Variants in ALPK3 observed in about 807,000 individuals in gnomAD.
ALPK3 encodes the protein alpha kinase 3.
In ALPK3, 102 loss-of-function variants were observed where a neutral mutation model predicts 140.0. That is an observed-to-expected ratio of 0.73 (90% CI 0.62 to 0.86). ALPK3 has a LOEUF of 0.86. ALPK3 is among the 40% of genes least tolerant of loss of function. The probability of loss-of-function intolerance (pLI) is 0.00; values close to 1 mark genes in which losing one functional copy is unlikely to be tolerated. For synonymous variants in ALPK3, 938 were observed against 898.5 expected (o/e 1.04, Z -0.79); for missense variants, 2,254 against 2,208.2 (o/e 1.02, Z -0.42).
In ALPK3 at chr15:84,859,583, G is replaced by A. The variant is rs146887183; in HGVS notation, c.3965+193G>A. 3.1e-4 allele frequency among the ~76,000 whole-genome samples: 47 copies of A among 152,334 alleles called. 1 individual carries two copies. The South Asian group carries it at 7.0e-3, about 23-fold the overall frequency. The stretch of plus-strand genomic sequence containing the variant: ...TAAGCCACTTGTCCAAAGCCACACA[G>A]CTAGTAATTGTCAGGACTGCAAACC... On this transcript the variant is annotated intron_variant, in intron 7 of 13. Coordinates refer to ENST00000258888, the MANE Select transcript of ALPK3 (RefSeq NM_020778.5).
intron 5 of ALPK3, among the ~76,000 whole-genome samples, chr15:84,849,873 CA>C (rs1028237467): frequency 6.6e-6 from 1 of 150,632 alleles, no homozygotes; most frequent in Non-Finnish European, 1.5e-5. Context: ...AAAATAAATC[CA>C]AAGCAAACAG....
intron 5 of ALPK3, among the ~76,000 whole-genome samples, chr15:84,851,231 G>C (rs972052616): frequency 1.3e-5 from 2 of 152,148 alleles, no homozygotes; most frequent in African/African-American, 4.8e-5. Flanking sequence ...GAGTCCTTCA[G>C]GTGGTCAAGG....
chr15:84,867,246 T>C, intron 12 of ALPK3, 71 bp from the exon 13 acceptor site: 2 of 1,516,950 alleles, frequency 1.3e-6, no homozygotes, highest in South Asian at 2.3e-5. Flanking sequence ...CCAGTATATC[T>C]TCCTGCTGGA....
At chr15:84,823,259 G>A in intron 1 of ALPK3, 71 bp from the exon 2 acceptor site, 1 of 1,554,348 alleles carries the variant, frequency 6.4e-7, no homozygotes, top group Non-Finnish European at 8.9e-7. Context: ...TTAATAGTTT[G>A]CGACTGTTGA....
At chr15:84,822,817 C>A (rs1963442140) in intron 1 of ALPK3, among the ~76,000 whole-genome samples, 1 of 152,248 alleles carries the variant, frequency 6.6e-6, no homozygotes, top group South Asian at 2.1e-4. Context: ...ACTCTCCCAG[C>A]TGGTTTGCCT....
Position 84,868,323 on chromosome 15 carries a change from C to T in ALPK3, c.4985C>T (p.Pro1662Leu), listed in dbSNP as rs758355902. ...LSPQPQKKGLPSPQGTRKSAP... is the reference protein window; with the variant it reads ...LSPQPQKKGLLSPQGTRKSAP... ...CCTCAGCCCCAGAAGAAAGGCCTCC[C>T]TAGTCCTCAGGGCACCCGGAAGAGT... Residue 1662 changes from proline (P) to leucine (L), a missense_variant, in exon 14 of 14, where the codon CCT becomes CTT. Physicochemically the swap from Pro to Leu is moderately conservative, Grantham distance 98. Transcript: ENST00000258888. 1.9e-6 allele frequency: 3 copies of T among 1,614,136 alleles called. No individual in the cohort carries two copies. The highest frequency in any genetic ancestry group is 2.5e-6 in the Non-Finnish European group (3 of 1,179,986).
At position 84,857,541 on chromosome 15, in the gene ALPK3, G is replaced by T. The variant is rs1192258761; in HGVS notation, c.2803G>T (p.Ala935Ser). The T allele has an allele frequency of 1.3e-6, 2 of 1,587,688 alleles. No individual in the cohort carries two copies. The highest frequency in any genetic ancestry group is 4.5e-5 in the East Asian group (2 of 44,626). The change falls in exon 6 of 14, where the codon GCC becomes TCC. Residue 935 changes from alanine (A) to serine (S), a missense_variant. Coordinates refer to ENST00000258888, the MANE Select transcript of ALPK3 (RefSeq NM_020778.5). ...PETMATSSEG[A>S]CAQVPDVEGR... ...AACCATGGCCACCAGCAGTGAGGGG[G>T]CCTGCGCCCAGGTACCAGATGTGGA...
chr15:84,858,583 C>G, intron 6 of ALPK3, 28 bp downstream of exon 6: 1 of 1,550,168 alleles, frequency 6.5e-7, no homozygotes, highest in South Asian at 1.2e-5. Context: ...AGAGGGATGG[C>G]TTCACAGGAC....
chr15:84,868,423 A>G lies in ALPK3; in HGVS notation c.5085A>G (p.Gln1695=). The change falls in exon 14 of 14, where the codon CAA becomes CAG. Residue 1695 remains glutamine (Q), a synonymous_variant. Transcript: ENST00000258888. ...AGTTGTTGGGACAGCCTCCCACCCA[A>G]GAGGAGGGCTCCAAGGCCCAGGGCA... is the stretch of plus-strand genomic sequence containing the variant. The part of the protein sequence containing the change: ...TTQLLGQPPT[Q]EEGSKAQGMR 1 of 1,611,404 alleles carries G rather than the reference A, an allele frequency of 6.2e-7. No individual in the cohort carries two copies. Among genetic ancestry groups the G allele is most frequent in the Non-Finnish European group, 8.5e-7 (1 of 1,179,974 alleles).
At chr15:84,836,074 G>GGA (rs1488489827) in intron 3 of ALPK3, among the ~76,000 whole-genome samples, 1 of 152,240 alleles carries the variant, frequency 6.6e-6, no homozygotes, top group Non-Finnish European at 1.5e-5. Context: ...CAAGTGCCTG[G>GGA]GAGACAGCAT....
At chr15:84,858,597 G>A in intron 6 of ALPK3, 42 bp downstream of exon 6, 10 of 1,524,446 alleles carry the variant, frequency 6.6e-6, no homozygotes, top group Non-Finnish European at 8.7e-6. Context: ...ACAGGACAGG[G>A]CCACAGAAAG....
Position 84,865,650 on chromosome 15 carries a change from G to T in ALPK3, c.4723+985G>T, listed in dbSNP as rs912994806. Among the ~76,000 whole-genome samples, 39 of 152,188 alleles carry T rather than the reference G, an allele frequency of 2.6e-4. 1 individual carries two copies. Among genetic ancestry groups the T allele is most frequent in the Non-Finnish European group, 3.2e-4 (22 of 68,032 alleles). On this transcript the variant is annotated intron_variant, in intron 12 of 13. Coordinates refer to ENST00000258888, the MANE Select transcript of ALPK3 (RefSeq NM_020778.5). ...CCAGTTTCTACTGTGAGACGATAAC[G>T]TGGCATAGTAGAAAGGCTTTAAAGT...
chr15:84,825,377 A>G (rs918597677), intron 2 of ALPK3, among the ~76,000 whole-genome samples: 1 of 151,976 alleles, frequency 6.6e-6, no homozygotes, highest in Non-Finnish European at 1.5e-5. Context: ...GGGTTTCACC[A>G]CATTGGCCAG....
chr15:84,856,935 G>A lies in ALPK3; in HGVS notation c.2197G>A (p.Gly733Ser), dbSNP rs34443853. The A allele has an allele frequency of 6.8e-6, 11 of 1,613,948 alleles. No homozygotes were observed. The highest frequency in any genetic ancestry group is 8.5e-6 in the Non-Finnish European group (10 of 1,179,952). The change falls in exon 6 of 14, where the codon GGC becomes AGC. Residue 733 changes from glycine to serine, a missense_variant. This residue lies in a region of ALPK3 where 2,088 missense variants were observed against 2,022.9 expected (regional missense o/e 1.03). Transcript: ENST00000258888. ...TGAGCAAGAGGTGGCAACCAGCCTC[G>A]GCCCACCATCCAGAACCCCCAAACT... Reference protein sequence around the residue: ...QSEQEVATSLGPPSRTPKLPP... With the variant: ...QSEQEVATSLSPPSRTPKLPP...
intron 3 of ALPK3, among the ~76,000 whole-genome samples, chr15:84,838,658 C>T (rs1200438840): frequency 6.8e-6 from 1 of 146,082 alleles, no homozygotes; most frequent in East Asian, 2.0e-4. Context: ...GTCTCACTAT[C>T]GCCTAGGCTA....
At chr15:84,820,200 C>T (rs1158194933) in intron 1 of ALPK3, among the ~76,000 whole-genome samples, 11 of 152,110 alleles carry the variant, frequency 7.2e-5, no homozygotes, top group Admixed American at 7.2e-4. Context: ...TTCCAGAAAC[C>T]CCTGCCCCCT....
At chr15:84,838,600 C>CGTT in intron 3 of ALPK3, among the ~76,000 whole-genome samples, 1 of 115,052 alleles carries the variant, frequency 8.7e-6, no homozygotes, top group Non-Finnish European at 1.7e-5. Flanking sequence ...TCTCTCCTCC[C>CGTT]ATTATTATTA....
At chr15:84,861,999 C>T (rs1050371531) in intron 9 of ALPK3, among the ~76,000 whole-genome samples, 3 of 152,146 alleles carry the variant, frequency 2.0e-5, no homozygotes, top group Non-Finnish European at 4.4e-5. Context: ...TGTCCTTCTG[C>T]CAAGTCTCTA....
intron 5 of ALPK3, among the ~76,000 whole-genome samples, chr15:84,841,682 A>G (rs886086653): frequency 1.3e-5 from 2 of 152,140 alleles, no homozygotes; most frequent in Non-Finnish European, 2.9e-5. Context: ...TTGTGTGGAG[A>G]CAGGGGTAGT....
Sources: allele counts gnomAD v4.1 joint callset (sites outside exome capture counted in the v4.1 genomes callset), GRCh38; gene constraint gnomAD v4.1.1; regional missense constraint gnomAD v4.1.1; transcripts MANE v1.5; gene names NCBI Gene and HGNC (gene_info 2026-07-23, HGNC 2026-07-21).